Variants in RSBN1L observed in about 807,000 individuals in gnomAD.
The protein encoded by RSBN1L is lysine-specific demethylase RSBN1L.
In RSBN1L, 30 loss-of-function variants were observed where a neutral mutation model predicts 67.7. The ratio of observed to expected loss-of-function variants is 0.44; its 90% CI spans 0.33 to 0.60. RSBN1L has a LOEUF of 0.60. RSBN1L is among the 20% of genes least tolerant of loss of function. The pLI is 0.02. For synonymous variants in RSBN1L, 433 were observed against 387.0 expected (o/e 1.12, Z -1.39); for missense variants, 992 against 1,031.7 (o/e 0.96, Z 0.53).
intron 1 of RSBN1L, among the ~76,000 whole-genome samples, chr7:77,720,231 T>C (rs1396904143): frequency 3.3e-5 from 5 of 152,164 alleles, no homozygotes; most frequent in Non-Finnish European, 5.9e-5. Context: ...GTATTGTGCA[T>C]AGTGTTGGAA....
chr7:77,698,977 C>T (rs1158451946), intron 1 of RSBN1L, among the ~76,000 whole-genome samples: 2 of 151,794 alleles, frequency 1.3e-5, no homozygotes, highest in Admixed American at 6.6e-5. Context: ...TCTGTTTTAA[C>T]GAATTAAGAA....
At chr7:77,709,198 A>ATGTGTATG (rs11268837) in intron 1 of RSBN1L, among the ~76,000 whole-genome samples, 98 of 63,696 alleles carry the variant, frequency 1.5e-3, no homozygotes, top group Admixed American at 4.9e-3. Flanking sequence ...GTGTGTGTGT[A>ATGTGTATG]TGTATGTGTA....
intron 1 of RSBN1L, among the ~76,000 whole-genome samples, chr7:77,719,826 G>GTGA (rs1791092613): frequency 6.6e-6 from 1 of 152,206 alleles, no homozygotes; most frequent in Admixed American, 6.5e-5. Flanking sequence ...GTGCAGTGGT[G>GTGA]TGATCATGGC....
At position 77,701,561 on chromosome 7, in the gene RSBN1L, A is replaced by G. The variant is rs531822245; in HGVS notation, c.586+4506A>G. On this transcript the variant is annotated intron_variant, in intron 1 of 7. Transcript: ENST00000334955. Reference sequence around the variant, plus strand: ...CTATTCTACTATCTGGGGAATGTCAATCCTTTCACTGAATTTTATAATTTA... The same window carrying G: ...CTATTCTACTATCTGGGGAATGTCAGTCCTTTCACTGAATTTTATAATTTA... 1.1e-4 allele frequency among the ~76,000 whole-genome samples: 16 copies of G among 151,780 alleles called. No homozygotes were observed. In the South Asian group the frequency reaches 2.5e-3, roughly 24 times the overall value.
At chr7:77,719,975 G>A (rs763961670) in intron 1 of RSBN1L, among the ~76,000 whole-genome samples, 28 of 152,122 alleles carry the variant, frequency 1.8e-4, no homozygotes, top group South Asian at 4.1e-4. Context: ...ATATTGTCCA[G>A]GCTGGCCTTG....
chr7:77,713,061 AT>A (rs1314678448), intron 1 of RSBN1L, among the ~76,000 whole-genome samples: 3 of 152,110 alleles, frequency 2.0e-5, no homozygotes, highest in Non-Finnish European at 4.4e-5. Flanking sequence ...TGAAGATTTT[AT>A]TATTTGCATT....
chr7:77,701,580 T>C (rs915221127), intron 1 of RSBN1L, among the ~76,000 whole-genome samples: 1 of 152,032 alleles, frequency 6.6e-6, no homozygotes, highest in African/African-American at 2.4e-5. Flanking sequence ...CTGAATTTTA[T>C]AATTTATATA....
intron 2 of RSBN1L, among the ~76,000 whole-genome samples, chr7:77,744,743 CA>C (rs1791459521): frequency 2.6e-5 from 4 of 152,114 alleles, no homozygotes; most frequent in Middle Eastern, 6.8e-3. Flanking sequence ...AGAGAATTAA[CA>C]CTTTGCCTTT....
chr7:77,712,108 A>G (rs1391485473), intron 1 of RSBN1L, among the ~76,000 whole-genome samples: 1 of 150,918 alleles, frequency 6.6e-6, no homozygotes, highest in East Asian at 1.9e-4. Context: ...TTCTAATTAT[A>G]ATAATATATG....
chr7:77,736,564 T>G (rs753511129), intron 2 of RSBN1L, 38 bp downstream of exon 2: 1 of 1,152,038 alleles, frequency 8.7e-7, no homozygotes, highest in South Asian at 1.6e-5. Context: ...TACTTTATTA[T>G]ACTGTTCAGT....
intron 2 of RSBN1L, among the ~76,000 whole-genome samples, chr7:77,737,095 G>C (rs1369300614): frequency 1.3e-5 from 2 of 151,872 alleles, no homozygotes; most frequent in South Asian, 4.1e-4. Context: ...GAAGAATTTG[G>C]GGGGTAGGTG....
chr7:77,755,702 A>G (rs1231117083), intron 3 of RSBN1L, among the ~76,000 whole-genome samples: 23 of 152,002 alleles, frequency 1.5e-4, no homozygotes, highest in Admixed American at 1.5e-3. Flanking sequence ...ACAACCTCTG[A>G]TAAGCCCACT....
At chr7:77,697,711 A>G (rs1253324986) in intron 1 of RSBN1L, among the ~76,000 whole-genome samples, 1 of 152,172 alleles carries the variant, frequency 6.6e-6, no homozygotes, top group Non-Finnish European at 1.5e-5. Context: ...TTTCAGCCAT[A>G]TTCTTTTTTT....
Position 77,778,342 on chromosome 7 carries a change from G to A in RSBN1L, c.1798G>A (p.Asp600Asn), listed in dbSNP as rs373640554. 8.1e-6 allele frequency: 13 copies of A among 1,602,660 alleles called. No individual in the cohort carries two copies. The highest frequency in any genetic ancestry group is 1.1e-5 in the South Asian group (1 of 88,544). Reference protein sequence around the residue: ...LKAVHCGEWPDQPRITKDVIC... With the variant: ...LKAVHCGEWPNQPRITKDVIC... ...TTATCTCGTTTTCTTTTTTAGGCCTGATCAACCCCGTATAACCAAAGATGT... is the reference window on the plus strand; with the variant it reads ...TTATCTCGTTTTCTTTTTTAGGCCTAATCAACCCCGTATAACCAAAGATGT... Residue 600 changes from aspartate to asparagine, a missense_variant, in exon 7 of 8, where the codon GAT becomes AAT. Physicochemically the swap from Asp to Asn is conservative, Grantham distance 23 (BLOSUM62 1). Transcript: ENST00000334955.
chr7:77,719,959 C>G (rs1791094310), intron 1 of RSBN1L, among the ~76,000 whole-genome samples: 1 of 152,080 alleles, frequency 6.6e-6, no homozygotes, highest in South Asian at 2.1e-4. Context: ...GAGAAAGGGT[C>G]TCGCCATATT....
intron 3 of RSBN1L, among the ~76,000 whole-genome samples, chr7:77,751,754 A>G (rs1791559069): frequency 6.6e-6 from 1 of 152,228 alleles, no homozygotes; most frequent in Non-Finnish European, 1.5e-5. Context: ...GCAGTGAAGA[A>G]ACAGATCCAG....
chr7:77,726,638 G>A (rs774038744), intron 1 of RSBN1L, among the ~76,000 whole-genome samples: 2 of 151,972 alleles, frequency 1.3e-5, no homozygotes, highest in Non-Finnish European at 2.9e-5. Context: ...GAGACGGAAC[G>A]TTGCTGTGTC....
chr7:77,716,447 G>A (rs1458617207), intron 1 of RSBN1L, among the ~76,000 whole-genome samples: 2 of 135,240 alleles, frequency 1.5e-5, no homozygotes, highest in African/African-American at 6.0e-5. Flanking sequence ...CGCCTCAGCT[G>A]TCTGGCTCCT....
rs773215555 is a variant in RSBN1L at position 77,696,916 on chromosome 7, C to A, written c.447C>A (p.Ala149=). 1 of 1,602,396 alleles carries A rather than the reference C, an allele frequency of 6.2e-7. No homozygotes were observed. The highest frequency in any genetic ancestry group is 1.1e-5 in the South Asian group (1 of 90,814). ...PHHLLLPAAA[A]AASANAKSRR... ...ATCTCCTCCTGCCCGCCGCCGCCGC[C>A]GCTGCCTCGGCTAACGCCAAGTCGC... Residue 149 remains alanine (A), a synonymous_variant, in exon 1 of 8, where the codon GCC becomes GCA. Coordinates refer to ENST00000334955, the MANE Select transcript of RSBN1L (RefSeq NM_198467.3).
Sources: allele counts gnomAD v4.1 joint callset (sites outside exome capture counted in the v4.1 genomes callset), GRCh38; gene constraint gnomAD v4.1.1; transcripts MANE v1.5; gene names NCBI Gene and HGNC (gene_info 2026-07-23, HGNC 2026-07-21).